Variants in CDH9 observed in about 807,000 individuals in gnomAD.
CDH9 encodes cadherin-9.
A neutral mutation model predicts 70.9 loss-of-function variants in CDH9; 28 were observed. The ratio of observed to expected loss-of-function variants is 0.40; its 90% CI spans 0.29 to 0.54. The LOEUF (loss-of-function observed/expected upper bound fraction) is 0.54. Among genes scored for constraint, CDH9 ranks in the 20% least tolerant of loss-of-function variants. CDH9 has a pLI of 0.59. For synonymous variants in CDH9, 409 were observed against 343.1 expected (o/e 1.19, Z -2.12); for missense variants, 874 against 984.4 (o/e 0.89, Z 1.50).
chr5:26,925,180 C>T (rs906320202), intron 2 of CDH9, among the ~76,000 whole-genome samples: 2 of 152,026 alleles, frequency 1.3e-5, no homozygotes, highest in Non-Finnish European at 2.9e-5. Flanking sequence ...ATTGTAAAAG[C>T]GTTCCTATTT....
intron 1 of CDH9, among the ~76,000 whole-genome samples, chr5:27,024,288 T>A (rs1300940013): frequency 6.6e-6 from 1 of 152,062 alleles, no homozygotes; most frequent in East Asian, 1.9e-4. Flanking sequence ...TATTTTTCAA[T>A]TTTTTCAATA....
intron 1 of CDH9, 117 bp from the exon 2 acceptor site, chr5:26,988,499 C>T (rs984651860): frequency 4.7e-5 from 38 of 802,718 alleles, no homozygotes; most frequent in Non-Finnish European, 6.0e-5. Flanking sequence ...ACTATATATA[C>T]ATTATATTTC....
At chr5:26,981,636 AC>A (rs1561027698) in intron 2 of CDH9, among the ~76,000 whole-genome samples, 1 of 152,076 alleles carries the variant, frequency 6.6e-6, no homozygotes, top group African/African-American at 2.4e-5. Flanking sequence ...GAGAGTCTAA[AC>A]AAAATGTGTG....
intron 3 of CDH9, among the ~76,000 whole-genome samples, chr5:26,913,911 C>T (rs1741099164): frequency 6.6e-6 from 1 of 151,672 alleles, no homozygotes; most frequent in Admixed American, 6.6e-5. Context: ...TAGTAATACA[C>T]AGAGTAAAAT....
At chr5:27,030,565 G>T (rs548236429) in intron 1 of CDH9, among the ~76,000 whole-genome samples, 1 of 151,124 alleles carries the variant, frequency 6.6e-6, no homozygotes, top group South Asian at 2.1e-4. Context: ...AAGAAACACA[G>T]GTGCTCAAAA....
At chr5:26,933,104 C>A (rs1274303952) in intron 2 of CDH9, among the ~76,000 whole-genome samples, 1 of 145,492 alleles carries the variant, frequency 6.9e-6, no homozygotes, top group African/African-American at 2.5e-5. Flanking sequence ...TTATATTATA[C>A]AAATATAATT....
At position 26,889,834 on chromosome 5, in the gene CDH9, A is replaced by T; in HGVS notation, c.1512+2T>A. On this transcript the variant is annotated splice_donor_variant, in intron 9 of 11. Transcript: ENST00000231021. LOFTEE classifies it high-confidence loss of function. Reference sequence around the variant, plus strand: ...TTTTAAGTTTTTAATGATTTTATTTACCTGCCCAGGTTTTGCATTTTCACA... The same window carrying T: ...TTTTAAGTTTTTAATGATTTTATTTTCCTGCCCAGGTTTTGCATTTTCACA... 1 of 1,558,864 alleles carries T rather than the reference A, an allele frequency of 6.4e-7. No homozygotes were observed. Among genetic ancestry groups the T allele is most frequent in the Non-Finnish European group, 8.8e-7 (1 of 1,135,408 alleles).
chr5:26,898,613 G>T (rs1031303486), intron 7 of CDH9, among the ~76,000 whole-genome samples: 3 of 152,276 alleles, frequency 2.0e-5, no homozygotes, highest in Admixed American at 2.0e-4. Context: ...AACCTGGCTA[G>T]CCATATGCGG....
chr5:26,985,170 A>G (rs1579494448), intron 2 of CDH9, among the ~76,000 whole-genome samples: 1 of 152,070 alleles, frequency 6.6e-6, no homozygotes, highest in Non-Finnish European at 1.5e-5. Flanking sequence ...ATCCTATTAG[A>G]CCAGCCTCTT....
At chr5:26,910,329 G>C (rs529080392) in intron 3 of CDH9, among the ~76,000 whole-genome samples, 8 of 152,080 alleles carry the variant, frequency 5.3e-5, no homozygotes, top group Admixed American at 5.2e-4. Context: ...TACTTAGTCA[G>C]TATAAATGTT....
At chr5:26,916,445 G>A (rs950926911) in intron 2 of CDH9, among the ~76,000 whole-genome samples, 6 of 151,914 alleles carry the variant, frequency 3.9e-5, no homozygotes, top group Non-Finnish European at 7.4e-5. Context: ...GTGGATCCCT[G>A]AAACTGTGGA....
At chr5:26,926,334 A>G (rs999834863) in intron 2 of CDH9, among the ~76,000 whole-genome samples, 2 of 152,150 alleles carry the variant, frequency 1.3e-5, no homozygotes, top group African/African-American at 2.4e-5. Context: ...GTGAACTCCC[A>G]TTCAAAATTG....
At chr5:27,031,992 C>T (rs1201386897) in intron 1 of CDH9, among the ~76,000 whole-genome samples, 4 of 151,836 alleles carry the variant, frequency 2.6e-5, no homozygotes, top group African/African-American at 9.7e-5. Context: ...ATAAAATCAT[C>T]TGACATATTT....
intron 1 of CDH9, among the ~76,000 whole-genome samples, chr5:26,994,179 T>C (rs527936545): frequency 6.6e-6 from 1 of 152,338 alleles, no homozygotes; most frequent in Admixed American, 6.5e-5. Context: ...TAATACCTTA[T>C]GTCTCATCCA....
At chr5:26,916,540 G>A (rs1741152721) in intron 2 of CDH9, among the ~76,000 whole-genome samples, 1 of 151,934 alleles carries the variant, frequency 6.6e-6, no homozygotes, top group Non-Finnish European at 1.5e-5. Flanking sequence ...GGCACAATAA[G>A]TGATAAGCAA....
At chr5:26,888,652 T>C (rs979274598) in intron 9 of CDH9, among the ~76,000 whole-genome samples, 1 of 152,206 alleles carries the variant, frequency 6.6e-6, no homozygotes. Flanking sequence ...TGTATCTCTG[T>C]CTTAGTCAGC....
chr5:27,001,766 G>A (rs747543464), intron 1 of CDH9, among the ~76,000 whole-genome samples: 15 of 151,832 alleles, frequency 9.9e-5, no homozygotes, highest in Non-Finnish European at 1.5e-4. Flanking sequence ...TAAGATTAGA[G>A]AAGGAAATAC....
chr5:26,982,442 C>A (rs1742414434), intron 2 of CDH9, among the ~76,000 whole-genome samples: 1 of 152,020 alleles, frequency 6.6e-6, no homozygotes, highest in East Asian at 1.9e-4. Flanking sequence ...GAATATATTT[C>A]TATAAAATTT....
intron 3 of CDH9, among the ~76,000 whole-genome samples, chr5:26,910,762 G>C (rs999860184): frequency 2.0e-5 from 3 of 152,174 alleles, no homozygotes; most frequent in East Asian, 3.9e-4. Flanking sequence ...GAAAGTTACA[G>C]AAAGTGAAAA....
Sources: allele counts gnomAD v4.1 joint callset (sites outside exome capture counted in the v4.1 genomes callset), GRCh38; gene constraint gnomAD v4.1.1; transcripts MANE v1.5; gene names NCBI Gene and HGNC (gene_info 2026-07-23, HGNC 2026-07-21).